The following NTRK3 variants were observed in gnomAD, a reference collection of about 807,000 sequenced individuals.
The protein encoded by NTRK3 is neurotrophic receptor tyrosine kinase 3, also known as NT-3 growth factor receptor.
NTRK3 carries 24 observed loss-of-function variants against 91.7 expected under a neutral mutation model. The ratio of observed to expected loss-of-function variants is 0.26; its 90% CI spans 0.19 to 0.37. The LOEUF (loss-of-function observed/expected upper bound fraction) is 0.37, where lower values mean the gene tolerates loss of function less well. NTRK3 is among the 10% of genes least tolerant of loss of function. The pLI is 1.00. For synonymous variants in NTRK3, 483 were observed against 404.0 expected, an observed-to-expected ratio of 1.20 and a Z score of -2.34; for missense variants, 880 against 1,068.9, an observed-to-expected ratio of 0.82 and a Z score of 2.46.
At chr15:87,907,369 A>G (rs16974121) in intron 17 of NTRK3, among the ~76,000 whole-genome samples, 12,755 of 152,202 alleles carry the variant, frequency 0.084, 715 homozygotes, top group African/African-American at 0.15. Context: ...TCATGCTGTT[A>G]TTAGGAGCAG....
chr15:87,917,811 A>G (rs993967724), intron 17 of NTRK3, among the ~76,000 whole-genome samples: 11 of 152,078 alleles, frequency 7.2e-5, no homozygotes, highest in African/African-American at 2.4e-4. Context: ...CTCCTTTGCC[A>G]TGATTGGAAG....
At chr15:87,887,031 T>G (rs2065595584) in intron 17 of NTRK3, among the ~76,000 whole-genome samples, 1 of 152,042 alleles carries the variant, frequency 6.6e-6, no homozygotes, top group African/African-American at 2.4e-5. Flanking sequence ...AACAGAGTCC[T>G]AAAAATTGAT....
At chr15:88,001,946 T>C (rs1463899340) in intron 14 of NTRK3, among the ~76,000 whole-genome samples, 1 of 152,172 alleles carries the variant, frequency 6.6e-6, no homozygotes, top group Non-Finnish European at 1.5e-5. Context: ...TTAATAATAT[T>C]AATTCTTCCA....
chr15:88,142,966 A>G (rs1481477279), intron 6 of NTRK3, among the ~76,000 whole-genome samples: 1 of 152,060 alleles, frequency 6.6e-6, no homozygotes, highest in Non-Finnish European at 1.5e-5. Flanking sequence ...TGTAATCTCA[A>G]CATTTTGGGG....
At chr15:87,960,307 T>A (rs967761338) in intron 14 of NTRK3, among the ~76,000 whole-genome samples, 2 of 152,210 alleles carry the variant, frequency 1.3e-5, no homozygotes, top group African/African-American at 4.8e-5. Flanking sequence ...TTATTTTTCA[T>A]CTTACATGAA....
intron 16 of NTRK3, 95 bp downstream of exon 16, chr15:87,932,917 G>C (rs2141951489): frequency 8.1e-7 from 1 of 1,241,610 alleles, no homozygotes; most frequent in Non-Finnish European, 1.2e-6. Flanking sequence ...AGAGGAAAGT[G>C]TTTAGAGGGG....
At chr15:88,175,778 G>A (rs762491810) in intron 5 of NTRK3, among the ~76,000 whole-genome samples, 1 of 152,140 alleles carries the variant, frequency 6.6e-6, no homozygotes, top group Non-Finnish European at 1.5e-5. Context: ...TCCAAATGAG[G>A]AGATTAAGGC....
intron 13 of NTRK3, among the ~76,000 whole-genome samples, chr15:88,064,725 T>C: frequency 6.6e-6 from 1 of 152,158 alleles, no homozygotes. Context: ...GAGCCTAAAC[T>C]TAGCTCAAAA....
chr15:88,156,029 G>T (rs2043865549), intron 5 of NTRK3, among the ~76,000 whole-genome samples: 1 of 152,192 alleles, frequency 6.6e-6, no homozygotes, highest in Admixed American at 6.5e-5. Context: ...GACATTGCCT[G>T]AAGTCCCCAG....
At chr15:88,003,143 A>G (rs1281062288) in intron 14 of NTRK3, among the ~76,000 whole-genome samples, 2 of 152,258 alleles carry the variant, frequency 1.3e-5, no homozygotes, top group African/African-American at 4.8e-5. Flanking sequence ...AAGGCAATCA[A>G]ATGCTAGCCA....
At chr15:88,119,487 A>C (rs1184944281) in intron 13 of NTRK3, among the ~76,000 whole-genome samples, 1 of 152,208 alleles carries the variant, frequency 6.6e-6, no homozygotes, top group Non-Finnish European at 1.5e-5. Context: ...GTCAGAAAAG[A>C]GAGGGAGGGC....
chr15:87,993,355 T>G (rs2075429619), intron 14 of NTRK3, among the ~76,000 whole-genome samples: 2 of 152,188 alleles, frequency 1.3e-5, no homozygotes, highest in South Asian at 4.1e-4. Flanking sequence ...CATTCTAAAT[T>G]TATGGCCCTA....
chr15:88,249,551 C>A (rs926080278), intron 3 of NTRK3, among the ~76,000 whole-genome samples: 57 of 152,130 alleles, frequency 3.7e-4, no homozygotes, highest in African/African-American at 1.3e-3. Flanking sequence ...GGCCCTTGGA[C>A]CCTCATGGGT....
chr15:87,899,575 TG>T (rs554719075), intron 17 of NTRK3, among the ~76,000 whole-genome samples: 1 of 152,156 alleles, frequency 6.6e-6, no homozygotes. Context: ...CCCGAGCCTT[TG>T]GGCCCCCCTT....
chr15:87,981,361 C>G (rs2074252195), intron 14 of NTRK3: 3 of 1,613,870 alleles, frequency 1.9e-6, no homozygotes, highest in Non-Finnish European at 1.7e-6. Context: ...GAAAAGACCC[C>G]TGGCAGAAGA....
At chr15:88,090,536 G>C (rs1282203119) in intron 13 of NTRK3, among the ~76,000 whole-genome samples, 1 of 152,084 alleles carries the variant, frequency 6.6e-6, no homozygotes, top group East Asian at 1.9e-4. Flanking sequence ...TGGCAACCCT[G>C]GTAGGAAATC....
chr15:88,180,898 G>A (rs939796160), intron 5 of NTRK3, among the ~76,000 whole-genome samples: 1 of 152,166 alleles, frequency 6.6e-6, no homozygotes, highest in Non-Finnish European at 1.5e-5. Flanking sequence ...GGAATTTGGT[G>A]TGTGTCTTCA....
intron 13 of NTRK3, among the ~76,000 whole-genome samples, chr15:88,094,571 A>G (rs2049389275): frequency 6.6e-6 from 1 of 152,028 alleles, no homozygotes; most frequent in Admixed American, 6.6e-5. Context: ...ACAGCTGAGA[A>G]GGAAGAATGA....
chr15:87,894,616 A>G (rs932433394), intron 17 of NTRK3, among the ~76,000 whole-genome samples: 2 of 152,216 alleles, frequency 1.3e-5, no homozygotes, highest in East Asian at 3.8e-4. Context: ...GTCTCCAAGC[A>G]GTGAAGAGAA....
Sources: gnomAD v4.1 joint callset for allele counts (sites outside exome capture counted in the v4.1 genomes callset) on GRCh38, gnomAD v4.1.1 for gene constraint, MANE v1.5 for transcripts, NCBI Gene and HGNC (gene_info 2026-07-23, HGNC 2026-07-21) for gene names.